The following CAPN14 variants were observed in gnomAD, a reference collection of about 807,000 sequenced individuals.
CAPN14 encodes calpain-14.
Under a neutral mutation model 101.3 loss-of-function variants are expected in CAPN14, and 94 were observed. That is an observed-to-expected ratio of 0.93 (90% CI 0.79 to 1.10). The LOEUF (loss-of-function observed/expected upper bound fraction) is 1.10. Ranked by LOEUF, CAPN14 falls within the 50% of genes least tolerant of loss-of-function variation. CAPN14 has a pLI of 0.00. For synonymous variants in CAPN14, 338 were observed against 317.9 expected (o/e 1.06, Z -0.67); for missense variants, 837 against 828.4 (o/e 1.01, Z -0.13).
chr2:31,208,084 G>C (rs1356542214), intron 1 of CAPN14, among the ~76,000 whole-genome samples: 1 of 151,924 alleles, frequency 6.6e-6, no homozygotes, highest in East Asian at 1.9e-4. Flanking sequence ...GTACTTCCTG[G>C]GGGAAGACCC....
intron 1 of CAPN14, among the ~76,000 whole-genome samples, chr2:31,217,180 C>A (rs1387082159): frequency 6.6e-6 from 1 of 152,102 alleles, no homozygotes; most frequent in Non-Finnish European, 1.5e-5. Context: ...CAGAAATTAC[C>A]CAGGCCCAAA....
Position 31,203,102 on chromosome 2 carries a change from G to T in CAPN14, c.263C>A (p.Ala88Asp). The change falls in exon 3 of 22, where the codon GCC becomes GAC. Residue 88 changes from alanine (A) to aspartate (D), a missense_variant. Ala to Asp is a moderately radical substitution (Grantham distance 126). Transcript: ENST00000403897. Reference protein sequence around the residue: ...HSNPQFYFAKAKRLDLCQGIV... With the variant: ...HSNPQFYFAKDKRLDLCQGIV... ...CCCCTGGCACAGATCCAGCCTTTTG[G>T]CCTTGGCAAAATAAAACTGGGGATT... 1.3e-6 allele frequency: 2 copies of T among 1,551,622 alleles called. No homozygotes were observed. Among genetic ancestry groups the T allele is most frequent in the Middle Eastern group, 1.7e-4 (1 of 5,990 alleles).
upstream of CAPN14, among the ~76,000 whole-genome samples, chr2:31,219,756 G>T (rs7585737): frequency 0.38 from 58,521 of 152,020 alleles, 11,855 homozygotes; most frequent in East Asian, 0.6. Context: ...TTGTGAAGCT[G>T]GGCAAGCCAT....
At chr2:31,225,908 G>A (rs1368551050) in intron 2 of CAPN14, among the ~76,000 whole-genome samples, 1 of 151,998 alleles carries the variant, frequency 6.6e-6, no homozygotes, top group African/African-American at 2.4e-5. Context: ...AGACAATGAT[G>A]AAAATAAGAA....
intron 1 of CAPN14, among the ~76,000 whole-genome samples, chr2:31,208,434 G>T (rs1228880222): frequency 6.6e-6 from 1 of 152,116 alleles, no homozygotes; most frequent in Non-Finnish European, 1.5e-5. Context: ...ACCAAGTGCT[G>T]GGTCATACCT....
rs1681057942 is a variant in CAPN14, at chr2:31,189,267, C to T, written c.1493+6G>A. On this transcript the variant is annotated splice_donor_region_variant and intron_variant, in intron 13 of 21. Coordinates refer to ENST00000403897, the MANE Select transcript of CAPN14 (RefSeq NM_001145122.2). ...CCACCCTCTAGGAGAGACCTTGTGT[C>T]CTTACTAAAAGATGTGCTTCCTGGA... 6.4e-7 allele frequency: 1 copy of T among 1,550,606 alleles called. No individual in the cohort carries two copies.
chr2:31,201,731 A>C (rs1399266952), intron 5 of CAPN14, 131 bp downstream of exon 5: 1 of 1,182,820 alleles, frequency 8.5e-7, no homozygotes, highest in Non-Finnish European at 1.2e-6. Flanking sequence ...ATACGTTGTC[A>C]CTTCTATGTT....
chr2:31,174,281 A>C lies in CAPN14; in HGVS notation c.*400T>G. The C allele has an allele frequency of 3.6e-6, 1 of 280,026 alleles. No homozygotes were observed. Among genetic ancestry groups the C allele is most frequent in the Non-Finnish European group, 6.7e-6 (1 of 148,568 alleles). 17.3% of individuals were successfully genotyped at this position (280,026 alleles called of 1,614,324 possible). A position where few individuals can be genotyped will look rare whatever the true frequency, so the allele number is the denominator to read the frequency against. On this transcript the variant is annotated 3_prime_UTR_variant, in exon 22 of 22. Coordinates refer to ENST00000403897, the MANE Select transcript of CAPN14 (RefSeq NM_001145122.2). ...TCCCATTTCAGACCTTAAAACCTAG[A>C]TGATTACCCCACCATGTGAGAACAT...
intron 1 of CAPN14, among the ~76,000 whole-genome samples, chr2:31,210,619 A>G (rs957547506): frequency 1.1e-4 from 16 of 152,234 alleles, no homozygotes; most frequent in Non-Finnish European, 2.1e-4. Flanking sequence ...TTTATTGCAG[A>G]AAAATCAAGG....
chr2:31,181,481 C>CTT (rs200134465), intron 16 of CAPN14, among the ~76,000 whole-genome samples: 10,455 of 70,080 alleles, frequency 0.15, 446 homozygotes, highest in African/African-American at 0.29. Context: ...TCTTTTCTTT[C>CTT]TCTCTCTCTC....
intron 12 of CAPN14, 58 bp downstream of exon 12, chr2:31,191,341 C>A: frequency 6.6e-7 from 1 of 1,507,732 alleles, no homozygotes. Context: ...CCTGTGGAGG[C>A]TTGGCCACAT....
intron 2 of CAPN14, among the ~76,000 whole-genome samples, chr2:31,225,205 C>A (rs1682983948): frequency 6.6e-6 from 1 of 151,950 alleles, no homozygotes; most frequent in Non-Finnish European, 1.5e-5. Flanking sequence ...AATTTCAAAA[C>A]TTTTTCATAA....
At chr2:31,203,173 T>C (rs1156881844) in intron 2 of CAPN14, 34 bp from the exon 3 acceptor site, 2 of 1,540,344 alleles carry the variant, frequency 1.3e-6, no homozygotes, top group African/African-American at 1.4e-5. Flanking sequence ...CATTCTGACC[T>C]AGAACAAAAA....
At chr2:31,204,233 G>A (rs1316194987) in intron 2 of CAPN14, among the ~76,000 whole-genome samples, 1 of 152,162 alleles carries the variant, frequency 6.6e-6, no homozygotes, top group African/African-American at 2.4e-5. Flanking sequence ...TTTCCATCTG[G>A]AAAGTGAGAA....
intron 1 of CAPN14, among the ~76,000 whole-genome samples, chr2:31,214,827 C>T (rs1682565748): frequency 6.6e-6 from 1 of 152,212 alleles, no homozygotes; most frequent in Non-Finnish European, 1.5e-5. Context: ...GAAGTTGCAC[C>T]CTGGCGTCGC....
intron 17 of CAPN14, 125 bp downstream of exon 17, chr2:31,180,811 C>G (rs1680553935): frequency 2.7e-6 from 2 of 745,426 alleles, no homozygotes; most frequent in Non-Finnish European, 4.6e-6. Flanking sequence ...TAATGAGGCT[C>G]AGTGGCTTGT....
In CAPN14 at chr2:31,201,884, G is replaced by A. The variant is rs1572419265; in HGVS notation, c.529C>T (p.Leu177Phe). 1 of 1,551,756 alleles carries A rather than the reference G, an allele frequency of 6.4e-7. No individual in the cohort carries two copies. The highest frequency in any genetic ancestry group is 2.4e-5 in the East Asian group (1 of 40,916). ...TACTTGGCATAGGCCTTTTCCAGAA[G>A]TGCTCCCCAGAACAAGTTCTTATAG... ...STYKNLFWGA[L>F]LEKAYAKLSG... is the part of the protein sequence containing the mutation. Residue 177 changes from leucine to phenylalanine, a missense_variant, in exon 5 of 22, where the codon CTT (leucine) becomes TTT (phenylalanine). By Grantham distance (22) the Leu-to-Phe change is conservative (BLOSUM62 0). Coordinates refer to ENST00000403897, the MANE Select transcript of CAPN14 (RefSeq NM_001145122.2).
intron 1 of CAPN14, among the ~76,000 whole-genome samples, chr2:31,229,994 C>T (rs56126114): frequency 0.022 from 3,274 of 152,246 alleles, 36 homozygotes; most frequent in South Asian, 0.042. Context: ...GGTAGCACCA[C>T]TTCCCTCATT....
At chr2:31,231,298 T>G (rs945599760) in intron 1 of CAPN14, among the ~76,000 whole-genome samples, 10 of 152,246 alleles carry the variant, frequency 6.6e-5, no homozygotes, top group Non-Finnish European at 1.3e-4. Flanking sequence ...ATCTCTCAAT[T>G]ATTGAATTTA....
Sources: allele counts gnomAD v4.1 joint callset (sites outside exome capture counted in the v4.1 genomes callset), GRCh38; gene constraint gnomAD v4.1.1; transcripts MANE v1.5; gene names NCBI Gene and HGNC (gene_info 2026-07-23, HGNC 2026-07-21).